The following GLCCI1 variants were observed in gnomAD, a reference collection of about 807,000 sequenced individuals.
GLCCI1 encodes glucocorticoid-induced transcript 1 protein.
GLCCI1 carries 24 observed loss-of-function variants against 52.2 expected under a neutral mutation model. The ratio of observed to expected loss-of-function variants is 0.46; its 90% CI spans 0.33 to 0.65. The LOEUF (loss-of-function observed/expected upper bound fraction) is 0.65. GLCCI1 is among the 30% of genes least tolerant of loss of function. GLCCI1 has a pLI of 0.02. For missense variants in GLCCI1, 704 were observed against 701.5 expected (o/e 1.00, Z -0.04); for synonymous variants, 310 against 276.5 (o/e 1.12, Z -1.20).
intron 5 of GLCCI1, among the ~76,000 whole-genome samples, chr7:8,064,633 G>T (rs1418448342): frequency 6.6e-6 from 1 of 152,170 alleles, no homozygotes; most frequent in African/African-American, 2.4e-5. Flanking sequence ...CTGATTCTGT[G>T]AGGAACATCA....
chr7:8,081,978 A>AT (rs1418309189), intron 6 of GLCCI1, among the ~76,000 whole-genome samples: 5 of 152,188 alleles, frequency 3.3e-5, no homozygotes, highest in African/African-American at 1.2e-4. Context: ...ATTTAACCTA[A>AT]TCTCAACTGT....
At chr7:8,020,952 T>G (rs1781472059) in intron 2 of GLCCI1, among the ~76,000 whole-genome samples, 1 of 152,190 alleles carries the variant, frequency 6.6e-6, no homozygotes, top group South Asian at 2.1e-4. Flanking sequence ...TAAGTAATAG[T>G]TTTTTATAAG....
rs1783134651 is a variant in GLCCI1, at chr7:8,087,186, A to G, written c.*648A>G. 1 of 152,640 alleles carries G rather than the reference A, an allele frequency of 6.6e-6. No homozygotes were observed. The highest frequency in any genetic ancestry group is 2.4e-5 in the African/African-American group (1 of 41,432). The allele number at this position is 152,640 out of a possible 1,614,324, so 9.5% of individuals were successfully genotyped here. On this transcript the variant is annotated 3_prime_UTR_variant, in exon 8 of 8. Transcript: ENST00000223145. ...TTATGCATTTCCCTTTCCTCATTAC[A>G]TTCCACATTCTTAGAATAAGAAGTG...
intron 1 of GLCCI1, among the ~76,000 whole-genome samples, chr7:8,001,697 C>G (rs1289484989): frequency 6.6e-6 from 1 of 152,118 alleles, no homozygotes; most frequent in Non-Finnish European, 1.5e-5. Flanking sequence ...AGACTTGGAA[C>G]CAACCCAAAT....
intron 1 of GLCCI1, among the ~76,000 whole-genome samples, chr7:7,988,830 ACTTC>A (rs1222426386): frequency 1.3e-5 from 2 of 152,132 alleles, no homozygotes; most frequent in Admixed American, 1.3e-4. Context: ...TCTTGTGCCT[ACTTC>A]TAGGCTGTAA....
At chr7:7,989,949 A>T (rs528319514) in intron 1 of GLCCI1, among the ~76,000 whole-genome samples, 1 of 152,274 alleles carries the variant, frequency 6.6e-6, no homozygotes, top group South Asian at 2.1e-4. Flanking sequence ...TACATTACTT[A>T]TAATGCTCCG....
At chr7:8,084,781 G>C (rs1214925770) in intron 6 of GLCCI1, 116 bp from the exon 7 acceptor site, 1 of 969,504 alleles carries the variant, frequency 1.0e-6, no homozygotes, top group South Asian at 1.7e-5. Context: ...CAATAAAGGA[G>C]ACTGGTCAAA....
chr7:8,044,073 T>C (rs965135477), intron 3 of GLCCI1, among the ~76,000 whole-genome samples: 3 of 151,614 alleles, frequency 2.0e-5, no homozygotes, highest in Admixed American at 2.0e-4. Flanking sequence ...GCCTCCCGAG[T>C]AGCTGGGACT....
chr7:8,032,911 C>T (rs1450854150), intron 3 of GLCCI1, among the ~76,000 whole-genome samples: 3 of 151,740 alleles, frequency 2.0e-5, no homozygotes, highest in Admixed American at 2.0e-4. Flanking sequence ...TTTTTCAGGT[C>T]ATAAGTACTG....
intron 1 of GLCCI1, among the ~76,000 whole-genome samples, chr7:7,982,687 A>T (rs1780646225): frequency 6.6e-6 from 1 of 152,148 alleles, no homozygotes; most frequent in Non-Finnish European, 1.5e-5. Context: ...TGCTTTGTAC[A>T]TAGGTATCTC....
chr7:8,036,812 G>T (rs1429456529), intron 3 of GLCCI1, among the ~76,000 whole-genome samples: 1 of 152,082 alleles, frequency 6.6e-6, no homozygotes, highest in African/African-American at 2.4e-5. Context: ...GAATGTCAGA[G>T]CATGAAGACA....
rs928077273 is a variant in GLCCI1 at position 7,990,502 on chromosome 7, T to C, written c.458-13406T>C. On this transcript the variant is annotated intron_variant, in intron 1 of 7. Transcript: ENST00000223145. ...ACACTTGTTTATGCTGCTGGTTGTT[T>C]TATTTCTTCAGTTGCTCTCAATCCT... 2.6e-5 allele frequency among the ~76,000 whole-genome samples: 4 copies of C among 152,258 alleles called. No individual in the cohort carries two copies. The South Asian group carries it at 6.2e-4, about 24-fold the overall frequency.
At chr7:7,981,877 AGTC>A in intron 1 of GLCCI1, 1 of 458,124 alleles carries the variant, frequency 2.2e-6, no homozygotes, top group Non-Finnish European at 4.4e-6. Context: ...GAAGACTCCA[AGTC>A]AAGTCACTCA....
intron 3 of GLCCI1, among the ~76,000 whole-genome samples, chr7:8,043,291 C>A: frequency 6.7e-6 from 1 of 150,022 alleles, no homozygotes; most frequent in Non-Finnish European, 1.5e-5. Context: ...ATCAAACCTG[C>A]AATATCTTAA....
intron 7 of GLCCI1, among the ~76,000 whole-genome samples, 185 bp downstream of exon 7, chr7:8,085,202 G>C (rs774565923): frequency 1.3e-5 from 2 of 152,208 alleles, no homozygotes; most frequent in African/African-American, 2.4e-5. Flanking sequence ...CTGTATGTTG[G>C]AAATGTATAA....
intron 2 of GLCCI1, among the ~76,000 whole-genome samples, chr7:8,017,873 C>T (rs1781410488): frequency 6.6e-6 from 1 of 152,100 alleles, no homozygotes; most frequent in Non-Finnish European, 1.5e-5. Flanking sequence ...ATCTTTTGTG[C>T]TGCTTTGTAA....
chr7:8,002,344 A>G (rs996584896), intron 1 of GLCCI1, among the ~76,000 whole-genome samples: 17 of 152,164 alleles, frequency 1.1e-4, no homozygotes, highest in African/African-American at 4.1e-4. Flanking sequence ...TCTGTAATTC[A>G]TGAAACGTTT....
chr7:8,038,045 G>A (rs1781907110), intron 3 of GLCCI1, among the ~76,000 whole-genome samples: 1 of 152,158 alleles, frequency 6.6e-6, no homozygotes, highest in Non-Finnish European at 1.5e-5. Context: ...AATGGACCTG[G>A]TAGAAATTTA....
Position 8,027,640 on chromosome 7 carries a change from G to A in GLCCI1, c.696+5071G>A, listed in dbSNP as rs1317594549. On this transcript the variant is annotated intron_variant, in intron 3 of 7. Transcript: ENST00000223145. ...ATCCATAATAAAATGGAATGTAAATGGACTAAACTCTCCAAACAAAAGACA... is the reference window on the plus strand; with the variant it reads ...ATCCATAATAAAATGGAATGTAAATAGACTAAACTCTCCAAACAAAAGACA... 4.0e-5 allele frequency among the ~76,000 whole-genome samples: 6 copies of A among 151,506 alleles called. No homozygotes were observed. In the South Asian group the frequency reaches 1.2e-3, roughly 31 times the overall value.
Sources: gnomAD v4.1 joint callset for allele counts (sites outside exome capture counted in the v4.1 genomes callset) on GRCh38, gnomAD v4.1.1 for gene constraint, MANE v1.5 for transcripts, NCBI Gene and HGNC (gene_info 2026-07-23, HGNC 2026-07-21) for gene names.